Variants in CFAP418 observed in about 807,000 individuals in gnomAD.
CFAP418 encodes cilia and flagella associated protein 418.
Under a neutral mutation model 24.7 loss-of-function variants are expected in CFAP418, and 27 were observed. That is an observed-to-expected ratio of 1.09 (90% CI 0.81 to 1.51). The LOEUF (loss-of-function observed/expected upper bound fraction) is 1.51, where lower values mean the gene tolerates loss of function less well. Among genes scored for constraint, CFAP418 ranks in the 40% most tolerant of loss-of-function variants. The pLI is 0.00. For synonymous variants in CFAP418, 74 were observed against 87.3 expected (o/e 0.85, Z 0.85); for missense variants, 257 against 255.2 (o/e 1.01, Z -0.05).
chr8:95,258,500 T>C (rs917258816), intron 4 of CFAP418, among the ~76,000 whole-genome samples: 1 of 151,742 alleles, frequency 6.6e-6, no homozygotes, highest in Admixed American at 6.6e-5. Flanking sequence ...TAAATTGTTA[T>C]TAAAAAGAAT....
intron 4 of CFAP418, among the ~76,000 whole-genome samples, chr8:95,252,952 C>T (rs999180131): frequency 3.3e-5 from 5 of 152,178 alleles, no homozygotes; most frequent in East Asian, 1.9e-4. Context: ...TAGCATGATC[C>T]TATTTTTGTA....
chr8:95,259,771 A>C (rs1257596909), intron 4 of CFAP418, 69 bp downstream of exon 4: 1 of 1,115,262 alleles, frequency 9.0e-7, no homozygotes, highest in African/African-American at 1.6e-5. Flanking sequence ...TGATAACTAC[A>C]TTTTAACAAT....
intron 1 of CFAP418, among the ~76,000 whole-genome samples, chr8:95,265,736 C>T (rs1811967817): frequency 1.3e-5 from 2 of 152,178 alleles, no homozygotes; most frequent in Admixed American, 1.3e-4. Context: ...AGATTCTGGT[C>T]TGTTCTTAGA....
chr8:95,256,443 A>G (rs1411738149), intron 4 of CFAP418, among the ~76,000 whole-genome samples: 1 of 152,222 alleles, frequency 6.6e-6, no homozygotes, highest in Non-Finnish European at 1.5e-5. Flanking sequence ...TTCATGTATT[A>G]TTTCATTTAA....
intron 4 of CFAP418, among the ~76,000 whole-genome samples, chr8:95,254,631 C>T (rs1454964388): frequency 1.3e-5 from 2 of 152,174 alleles, no homozygotes; most frequent in African/African-American, 4.8e-5. Context: ...GACAGGAATG[C>T]CCCAAATCCA....
At chr8:95,257,801 C>G (rs768295121) in intron 4 of CFAP418, among the ~76,000 whole-genome samples, 2 of 152,152 alleles carry the variant, frequency 1.3e-5, no homozygotes, top group Non-Finnish European at 2.9e-5. Flanking sequence ...CTGGTTCATA[C>G]TTTTACTATG....
rs1811930776 is a variant in CFAP418, at chr8:95,263,730, A to G, written c.200T>C (p.Ile67Thr). The change falls in exon 2 of 6, where the codon ATT becomes ACT. Residue 67 changes from isoleucine to threonine, a missense_variant. Coordinates refer to ENST00000286688, the MANE Select transcript of CFAP418 (RefSeq NM_177965.4). Reference sequence around the variant, plus strand: ...GTTGGGCTCTTCAAGTATTTCATTAATAAGACTGTCAAGATCATCTTCTTT... The same window carrying G: ...GTTGGGCTCTTCAAGTATTTCATTAGTAAGACTGTCAAGATCATCTTCTTT... ...FKKEDDLDSL[I>T]NEILEEPNLD... 6.2e-7 allele frequency: 1 copy of G among 1,610,020 alleles called. No homozygotes were observed. Among genetic ancestry groups the G allele is most frequent in the Non-Finnish European group, 8.5e-7 (1 of 1,176,894 alleles).
intron 1 of CFAP418, among the ~76,000 whole-genome samples, chr8:95,266,001 CACTT>C (rs1811972888): frequency 6.6e-6 from 1 of 152,086 alleles, no homozygotes; most frequent in African/African-American, 2.4e-5. Context: ...AAAATATAAA[CACTT>C]AAACCTATAA....
rs1378683474 is a variant in CFAP418, at chr8:95,269,177, G to C, written c.13C>G (p.Leu5Val). The C allele has an allele frequency of 6.2e-7, 1 of 1,614,040 alleles. No homozygotes were observed. The highest frequency in any genetic ancestry group is 2.2e-5 in the East Asian group (1 of 44,888). Residue 5 changes from leucine (L) to valine (V), a missense_variant, in exon 1 of 6, where the codon CTG becomes GTG. Transcript: ENST00000286688. ...TCGACTTCATCCAAGAGCTCGTCCA[G>C]GTCCTCCGCCATCTTGAATCGCCTG... MAEDLDELLDEVESK... is the reference protein window; with the variant it reads MAEDVDELLDEVESK...
At chr8:95,247,915 A>ATGATTGTGCCACCG in intron 5 of CFAP418, 145 bp from the exon 6 acceptor site, 1 of 824,582 alleles carries the variant, frequency 1.2e-6, no homozygotes. Flanking sequence ...TTGCGGTGGC[A>ATGATTGTGCCACCG]CAATCATGGC....
chr8:95,254,325 A>G (rs1811754744), intron 4 of CFAP418, among the ~76,000 whole-genome samples: 1 of 152,250 alleles, frequency 6.6e-6, no homozygotes, highest in Non-Finnish European at 1.5e-5. Context: ...GTCATTCAGC[A>G]TTACCTCAAG....
intron 1 of CFAP418, among the ~76,000 whole-genome samples, chr8:95,264,193 T>G (rs1413981902): frequency 6.6e-6 from 1 of 152,162 alleles, no homozygotes. Flanking sequence ...CAACCATACC[T>G]CTTTACTAGA....
intron 1 of CFAP418, 35 bp downstream of exon 1, chr8:95,269,000 T>A (rs763368455): frequency 1.2e-6 from 2 of 1,603,388 alleles, no homozygotes; most frequent in Non-Finnish European, 1.7e-6. Flanking sequence ...GAGCAGGGCT[T>A]TACCAGAACA....
intron 4 of CFAP418, 70 bp from the exon 5 acceptor site, chr8:95,252,353 T>G: frequency 1.0e-6 from 1 of 984,812 alleles, no homozygotes; most frequent in Admixed American, 2.0e-5. Context: ...AACATGGTGA[T>G]TTATTTATAG....
chr8:95,251,370 G>C (rs1811704772), intron 5 of CFAP418, among the ~76,000 whole-genome samples: 2 of 152,176 alleles, frequency 1.3e-5, no homozygotes, highest in Admixed American at 1.3e-4. Context: ...AGGTAAAGAG[G>C]TTGTACAAAG....
chr8:95,268,921 A>C (rs982747525), intron 1 of CFAP418, 114 bp downstream of exon 1: 4 of 1,172,860 alleles, frequency 3.4e-6, no homozygotes, highest in Non-Finnish European at 4.9e-6. Context: ...ACCCTGATGC[A>C]AGGAGGGGCT....
rs1194059556 is a variant in CFAP418 at position 95,245,381 on chromosome 8, G to A, written c.*2236C>T. On this transcript the variant is annotated 3_prime_UTR_variant, in exon 6 of 6. Coordinates refer to ENST00000286688, the MANE Select transcript of CFAP418 (RefSeq NM_177965.4). ...GGATTATTATAATTATTATGTTATG[G>A]AATGCCAAACATAGGCAATGTATGT... 6.6e-6 allele frequency: 1 copy of A among 152,072 alleles called. No individual in the cohort carries two copies. Among genetic ancestry groups the A allele is most frequent in the Non-Finnish European group, 1.5e-5 (1 of 68,006 alleles). 9.4% of individuals were successfully genotyped at this position (152,072 alleles called of 1,614,324 possible). A position where few individuals can be genotyped will look rare whatever the true frequency, so the allele number is the denominator to read the frequency against.
chr8:95,260,403 A>C (rs1811866235), intron 3 of CFAP418, 65 bp downstream of exon 3: 15 of 1,192,880 alleles, frequency 1.3e-5, no homozygotes, highest in Non-Finnish European at 1.8e-5. Context: ...AACAAAATCT[A>C]CTAGACTATG....
At chr8:95,260,058 A>G (rs1188675393) in intron 3 of CFAP418, among the ~76,000 whole-genome samples, 153 bp from the exon 4 acceptor site, 1 of 152,228 alleles carries the variant, frequency 6.6e-6, no homozygotes, top group East Asian at 1.9e-4. Flanking sequence ...ATTTCAAAGA[A>G]GAGATATTTA....
Sources: gnomAD v4.1 joint callset for allele counts (sites outside exome capture counted in the v4.1 genomes callset) on GRCh38, gnomAD v4.1.1 for gene constraint, MANE v1.5 for transcripts, NCBI Gene and HGNC (gene_info 2026-07-23, HGNC 2026-07-21) for gene names.